Variants in XYLT1 observed in about 807,000 individuals in gnomAD.
XYLT1 encodes beta-D-xylosyltransferase 1.
Under a neutral mutation model 91.3 loss-of-function variants are expected in XYLT1, and 36 were observed. That is an observed-to-expected ratio of 0.39 (90% CI 0.30 to 0.52). The LOEUF (loss-of-function observed/expected upper bound fraction) is 0.52, where lower values mean the gene tolerates loss of function less well. Ranked by LOEUF, XYLT1 falls within the 20% of genes least tolerant of loss-of-function variation. The pLI, the probability that XYLT1 is intolerant of heterozygous loss-of-function variation, is 0.68. For synonymous variants in XYLT1, 588 were observed against 532.0 expected (o/e 1.11, Z -1.45); for missense variants, 1,242 against 1,284.5 (o/e 0.97, Z 0.51).
chr16:17,134,007 G>T (rs1044440405), intron 9 of XYLT1, among the ~76,000 whole-genome samples: 1 of 152,170 alleles, frequency 6.6e-6, no homozygotes, highest in Non-Finnish European at 1.5e-5. Context: ...AAACTGATCC[G>T]GGAGGAGGCG....
intron 6 of XYLT1, among the ~76,000 whole-genome samples, chr16:17,142,600 A>ATTT (rs71137976): frequency 1.1e-4 from 16 of 139,664 alleles, no homozygotes; most frequent in East Asian, 1.1e-3. Flanking sequence ...CACCCAGCTA[A>ATTT]TTTTTTTTTT....
At chr16:17,282,509 G>A (rs1207796239) in intron 2 of XYLT1, among the ~76,000 whole-genome samples, 1 of 152,204 alleles carries the variant, frequency 6.6e-6, no homozygotes, top group Non-Finnish European at 1.5e-5. Context: ...GGCTCAGGTG[G>A]GAGGGTGAGG....
At chr16:17,219,029 C>T (rs1201065307) in intron 3 of XYLT1, among the ~76,000 whole-genome samples, 1 of 152,000 alleles carries the variant, frequency 6.6e-6, no homozygotes. Flanking sequence ...TGCCTGTAAT[C>T]CCAGCACTTT....
intron 2 of XYLT1, among the ~76,000 whole-genome samples, chr16:17,284,396 T>C (rs979362843): frequency 1.3e-5 from 2 of 152,158 alleles, no homozygotes; most frequent in African/African-American, 4.8e-5. Flanking sequence ...GAACTTACAT[T>C]CTACAGGGGG....
chr16:17,116,679 T>C (rs1163777122), intron 11 of XYLT1, among the ~76,000 whole-genome samples: 5 of 152,224 alleles, frequency 3.3e-5, no homozygotes, highest in African/African-American at 1.2e-4. Context: ...GTCAGACGTC[T>C]GTGGTAGGGT....
chr16:17,228,504 A>G (rs1213795442), intron 3 of XYLT1, among the ~76,000 whole-genome samples: 1 of 152,016 alleles, frequency 6.6e-6, no homozygotes, highest in Non-Finnish European at 1.5e-5. Context: ...TGAGGGGAGG[A>G]GGTGACTGCT....
At chr16:17,261,969 T>C (rs2033729056) in intron 2 of XYLT1, among the ~76,000 whole-genome samples, 1 of 152,188 alleles carries the variant, frequency 6.6e-6, no homozygotes, top group Admixed American at 6.5e-5. Context: ...AGTACATCTT[T>C]ATTCTTGTAA....
intron 9 of XYLT1, among the ~76,000 whole-genome samples, chr16:17,131,334 A>G (rs56375407): frequency 0.24 from 36,737 of 152,226 alleles, 5,263 homozygotes; most frequent in East Asian, 0.62. Flanking sequence ...CGCACAACCA[A>G]TCATCATCTA....
intron 5 of XYLT1, among the ~76,000 whole-genome samples, chr16:17,175,115 A>C (rs1170703481): frequency 6.6e-6 from 1 of 152,212 alleles, no homozygotes; most frequent in Non-Finnish European, 1.5e-5. Flanking sequence ...TTTATGCCAC[A>C]ATAAAAATAT....
intron 8 of XYLT1, chr16:17,138,132 A>T: frequency 2.2e-6 from 1 of 462,902 alleles, no homozygotes; most frequent in Non-Finnish European, 3.8e-6. Flanking sequence ...ATGAAAGGTC[A>T]TTTGTTGTTT....
intron 2 of XYLT1, among the ~76,000 whole-genome samples, chr16:17,336,023 C>T (rs142693520): frequency 1.8e-3 from 272 of 152,274 alleles, no homozygotes; most frequent in African/African-American, 6.1e-3. Context: ...TTGAGACCTA[C>T]GCTTTGCCTG....
intron 1 of XYLT1, among the ~76,000 whole-genome samples, chr16:17,422,893 C>A (rs1269065379): frequency 2.0e-5 from 3 of 152,146 alleles, no homozygotes; most frequent in Admixed American, 2.0e-4. Context: ...TTGTGTACCG[C>A]AAAGTGGCAA....
intron 2 of XYLT1, among the ~76,000 whole-genome samples, chr16:17,328,576 A>AC: frequency 2.7e-5 from 4 of 150,094 alleles, no homozygotes; most frequent in African/African-American, 9.8e-5. Context: ...AAAAAAAAAA[A>AC]GAAGGTGTGA....
chr16:17,171,154 G>T (rs913247331), intron 5 of XYLT1, among the ~76,000 whole-genome samples: 8 of 152,150 alleles, frequency 5.3e-5, no homozygotes, highest in African/African-American at 1.9e-4. Flanking sequence ...CAGAATGCTA[G>T]AATGTCAGAT....
At chr16:17,457,553 TC>T (rs2036761379) in intron 1 of XYLT1, among the ~76,000 whole-genome samples, 1 of 152,228 alleles carries the variant, frequency 6.6e-6, no homozygotes, top group African/African-American at 2.4e-5. Context: ...TTAACATCTC[TC>T]CCTGCTTTCT....
intron 1 of XYLT1, among the ~76,000 whole-genome samples, chr16:17,419,771 G>A (rs1830102794): frequency 1.3e-5 from 2 of 152,102 alleles, no homozygotes; most frequent in African/African-American, 2.4e-5. Flanking sequence ...GCTAATCCAT[G>A]GACCTCTTTT....
chr16:17,386,020 T>C (rs1376787714), intron 1 of XYLT1, among the ~76,000 whole-genome samples: 2 of 152,184 alleles, frequency 1.3e-5, no homozygotes, highest in African/African-American at 4.8e-5. Flanking sequence ...CAATAGTGCC[T>C]GCCACAGAGC....
At chr16:17,288,373 A>T (rs1345132102) in intron 2 of XYLT1, among the ~76,000 whole-genome samples, 2 of 151,732 alleles carry the variant, frequency 1.3e-5, no homozygotes, top group Non-Finnish European at 2.9e-5. Flanking sequence ...ATACAGTTTC[A>T]CTCATGGCAA....
At chr16:17,280,509 T>C (rs1437070573) in intron 2 of XYLT1, among the ~76,000 whole-genome samples, 1 of 152,218 alleles carries the variant, frequency 6.6e-6, no homozygotes, top group East Asian at 1.9e-4. Flanking sequence ...TAATTCAAAA[T>C]GTATTAAAAT....
Sources: allele counts gnomAD v4.1 joint callset (sites outside exome capture counted in the v4.1 genomes callset), GRCh38; gene constraint gnomAD v4.1.1; transcripts MANE v1.5; gene names NCBI Gene and HGNC (gene_info 2026-07-23, HGNC 2026-07-21).